The following SYCE2 variants were observed in gnomAD, a reference collection of about 807,000 sequenced individuals.
SYCE2 encodes synaptonemal complex central element protein 2, also known as central element synaptonemal complex 1.
A neutral mutation model predicts 27.9 loss-of-function variants in SYCE2; 3 were observed. The ratio of observed to expected loss-of-function variants is 0.11; its 90% CI spans 0.05 to 0.28. SYCE2 has a LOEUF of 0.28. Among genes scored for constraint, SYCE2 ranks in the 10% least tolerant of loss-of-function variants. SYCE2 has a pLI of 1.00. For synonymous variants in SYCE2, 85 were observed against 100.7 expected (o/e 0.84, Z 0.93); for missense variants, 207 against 263.5 (o/e 0.79, Z 1.48).
At chr19:12,919,173 G>A in intron 1 of SYCE2, 70 bp downstream of exon 1, 17 of 1,593,472 alleles carry the variant, frequency 1.1e-5, no homozygotes, top group Non-Finnish European at 1.5e-5. Context: ...GGAGATGGCT[G>A]GGATCGCAGC....
rs750864138 is a variant in SYCE2, at chr19:12,900,430, G to T, written c.495+30C>A. ...GGGCCATCCCTGTCCTCTTCCTCAG[G>T]CAGCGCCCCCCCTGTGAGTTTACTC... On this transcript the variant is annotated intron_variant, in intron 4 of 5. Transcript: ENST00000293695. 5 of 1,604,286 alleles carry T rather than the reference G, an allele frequency of 3.1e-6. No homozygotes were observed. In the South Asian group the frequency reaches 5.5e-5, roughly 18 times the overall value.
chr19:12,905,708 C>G (rs1010621680), intron 2 of SYCE2, among the ~76,000 whole-genome samples: 2 of 152,032 alleles, frequency 1.3e-5, no homozygotes, highest in Non-Finnish European at 2.9e-5. Flanking sequence ...TGCAGTGGCA[C>G]AATCATAGCT....
intron 3 of SYCE2, among the ~76,000 whole-genome samples, chr19:12,903,764 AT>A (rs899596237): frequency 6.6e-6 from 1 of 151,596 alleles, no homozygotes; most frequent in Non-Finnish European, 1.5e-5. Flanking sequence ...CACTGAGCCA[AT>A]TTTTTTATTT....
intron 3 of SYCE2, among the ~76,000 whole-genome samples, chr19:12,903,153 G>A (rs1379842553): frequency 4.0e-5 from 6 of 150,880 alleles, no homozygotes; most frequent in South Asian, 4.2e-4. Flanking sequence ...ATGCAGTGGC[G>A]GGATCTCTGC....
At chr19:12,902,261 C>T (rs1453355757) in intron 3 of SYCE2, among the ~76,000 whole-genome samples, 2 of 151,960 alleles carry the variant, frequency 1.3e-5, no homozygotes, top group African/African-American at 2.4e-5. Context: ...ATGCATGTCA[C>T]AAAACTGTAC....
At chr19:12,912,676 T>C (rs1333835217) in intron 2 of SYCE2, among the ~76,000 whole-genome samples, 3 of 152,128 alleles carry the variant, frequency 2.0e-5, no homozygotes, top group African/African-American at 2.4e-5. Flanking sequence ...TTTTGTGTGA[T>C]TGTTCACAAC....
intron 2 of SYCE2, among the ~76,000 whole-genome samples, chr19:12,911,636 T>C (rs984926682): frequency 2.7e-5 from 4 of 148,710 alleles, no homozygotes; most frequent in East Asian, 2.0e-4. Context: ...TTTTTTTTTT[T>C]AGACGAGGTC....
At chr19:12,900,195 G>T in intron 4 of SYCE2, 75 bp from the exon 5 acceptor site, 1 of 1,513,190 alleles carries the variant, frequency 6.6e-7, no homozygotes, top group Non-Finnish European at 8.9e-7. Flanking sequence ...TTTCTGAGTG[G>T]CAGGGGTGCA....
At chr19:12,913,109 G>A (rs886909968) in intron 2 of SYCE2, among the ~76,000 whole-genome samples, 14 of 152,232 alleles carry the variant, frequency 9.2e-5, no homozygotes, top group Non-Finnish European at 2.1e-4. Flanking sequence ...AACACAGCAC[G>A]TCGGGTGTGC....
chr19:12,911,068 C>A lies in SYCE2; in HGVS notation c.132-6402G>T, dbSNP rs966935388. ...TACTGCAACTTTGAACTCCCCCAGG[C>A]TCAAGTGATCCTCTCGTCTCTGCCT... is the stretch of plus-strand genomic sequence containing the variant. On this transcript the variant is annotated intron_variant, in intron 2 of 5. Coordinates refer to ENST00000293695, the MANE Select transcript of SYCE2 (RefSeq NM_001105578.2). Among the ~76,000 whole-genome samples the A allele has an allele frequency of 3.3e-5, 5 of 152,178 alleles. No individual in the cohort carries two copies. The South Asian group carries it at 1.0e-3, about 32-fold the overall frequency.
Position 12,899,380 on chromosome 19 carries a change from A to T in SYCE2, c.618T>A (p.Thr206=), listed in dbSNP as rs1450267394. 2 of 1,614,058 alleles carry T rather than the reference A, an allele frequency of 1.2e-6. No individual in the cohort carries two copies. The highest frequency in any genetic ancestry group is 1.1e-5 in the South Asian group (1 of 91,086). ...SSVAETTSQA[T]ASEVQTNRDG... is the part of the protein sequence containing the mutation. Reference sequence around the variant, plus strand: ...CTCTGTTGGTCTGTACTTCTGAAGCAGTGGCCTGGGGATACATGAAAATTG... The same window carrying T: ...CTCTGTTGGTCTGTACTTCTGAAGCTGTGGCCTGGGGATACATGAAAATTG... The change falls in exon 6 of 6, where the codon ACT becomes ACA. Residue 206 remains threonine (T), a synonymous_variant. Transcript: ENST00000293695.
At chr19:12,909,731 G>A (rs1052155595) in intron 2 of SYCE2, among the ~76,000 whole-genome samples, 2 of 148,226 alleles carry the variant, frequency 1.3e-5, no homozygotes, top group Admixed American at 6.8e-5. Context: ...CACACTTGGC[G>A]AATTTTGTAT....
At chr19:12,913,753 G>A (rs1479970901) in intron 2 of SYCE2, among the ~76,000 whole-genome samples, 2 of 152,148 alleles carry the variant, frequency 1.3e-5, no homozygotes, top group African/African-American at 4.8e-5. Flanking sequence ...AGCGGTCTGT[G>A]TCTCTTCACT....
At chr19:12,917,860 T>G (rs1047468648) in intron 2 of SYCE2, among the ~76,000 whole-genome samples, 1 of 151,938 alleles carries the variant, frequency 6.6e-6, no homozygotes, top group African/African-American at 2.4e-5. Context: ...GGTTTCTCCA[T>G]GTTTGTCAGG....
chr19:12,906,697 A>C (rs1970939649), intron 2 of SYCE2, among the ~76,000 whole-genome samples: 2 of 152,072 alleles, frequency 1.3e-5, no homozygotes, highest in Admixed American at 1.3e-4. Flanking sequence ...TCACAAGGGC[A>C]GGAGTTCGAG....
chr19:12,912,207 A>G (rs985971266), intron 2 of SYCE2, among the ~76,000 whole-genome samples: 2 of 151,734 alleles, frequency 1.3e-5, no homozygotes, highest in Non-Finnish European at 2.9e-5. Flanking sequence ...AAGTGCTGGG[A>G]TTACAGGCGT....
Position 12,910,160 on chromosome 19 carries a change from C to T in SYCE2, c.132-5494G>A, listed in dbSNP as rs151190623. Among the ~76,000 whole-genome samples, 240 of 151,972 alleles carry T rather than the reference C, an allele frequency of 1.6e-3. 5 individuals are homozygous for T. The highest frequency in any genetic ancestry group is 5.6e-3 in the African/African-American group (234 of 41,458). On this transcript the variant is annotated intron_variant, in intron 2 of 5. Transcript: ENST00000293695. The stretch of plus-strand genomic sequence containing the variant: ...GATTACAGGCGTGAGCCACCATGCC[C>T]GGCCCTACCTTCTTAATGTCTCTAA...
At chr19:12,914,705 G>A (rs2145981406) in intron 2 of SYCE2, among the ~76,000 whole-genome samples, 1 of 152,300 alleles carries the variant, frequency 6.6e-6, no homozygotes, top group East Asian at 1.9e-4. Context: ...TGCCTCCCAG[G>A]TTCAAGCGAT....
At chr19:12,918,190 G>A (rs756715461) in intron 2 of SYCE2, 32 bp downstream of exon 2, 9 of 1,570,490 alleles carry the variant, frequency 5.7e-6, no homozygotes, top group Non-Finnish European at 3.5e-6. Flanking sequence ...CCAGGGGCCT[G>A]TGTAGACCCA....
Sources: allele counts gnomAD v4.1 joint callset (sites outside exome capture counted in the v4.1 genomes callset), GRCh38; gene constraint gnomAD v4.1.1; transcripts MANE v1.5; gene names NCBI Gene and HGNC (gene_info 2026-07-23, HGNC 2026-07-21).